CHIC1: variants seen among roughly 807,000 people sequenced by gnomAD.
The protein encoded by CHIC1 is cysteine rich hydrophobic domain 1, also known as cysteine-rich hydrophobic domain-containing protein 1.
In CHIC1, 7 loss-of-function variants were observed where a neutral mutation model predicts 18.5. The ratio of observed to expected loss-of-function variants is 0.38; its 90% CI spans 0.22 to 0.71. The LOEUF is 0.71. Ranked by LOEUF, CHIC1 falls within the 30% of genes least tolerant of loss-of-function variation. The pLI is 0.49. For synonymous variants in CHIC1, 77 were observed against 73.5 expected (o/e 1.05, Z -0.25); for missense variants, 159 against 176.9 (o/e 0.90, Z 0.57).
intron 2 of CHIC1, chrX:73,578,685 A>C (rs1480486772): frequency 9.1e-6 from 1 of 110,203 alleles, no homozygotes; most frequent in Non-Finnish European, 1.9e-5. Context: ...CCCATTAATA[A>C]ATGTATTTTT....
chrX:73,641,091 A>AT (rs958926221), intron 3 of CHIC1, among the ~76,000 whole-genome samples: 1 of 111,402 alleles, frequency 9.0e-6, no homozygotes, highest in African/African-American at 3.3e-5. Flanking sequence ...CCTGAATTTT[A>AT]TTTTTCACCT....
chrX:73,582,376 C>A (rs2057531923), intron 2 of CHIC1, among the ~76,000 whole-genome samples: 1 of 109,756 alleles, frequency 9.1e-6, no homozygotes, highest in Non-Finnish European at 1.9e-5. Flanking sequence ...CAATGATTCC[C>A]TAGGAGAAAA....
At chrX:73,642,470 G>A (rs578179014) in intron 3 of CHIC1, among the ~76,000 whole-genome samples, 4,279 of 108,078 alleles carry the variant, frequency 0.04, 82 homozygotes, top group Middle Eastern at 0.058. Context: ...TTTGTAGGTT[G>A]CCTGTTCACT....
At chrX:73,612,093 C>T (rs948415591) in intron 3 of CHIC1, among the ~76,000 whole-genome samples, 2 of 110,010 alleles carry the variant, frequency 1.8e-5, no homozygotes, top group Non-Finnish European at 3.8e-5. Context: ...GAAGTCCTTG[C>T]CCATGCCTAT....
Position 73,621,197 on chromosome X carries a change from C to T in CHIC1, c.507+36625C>T, listed in dbSNP as rs192085784. On this transcript the variant is annotated intron_variant, in intron 3 of 5. Coordinates refer to ENST00000373502, the MANE Select transcript of CHIC1 (RefSeq NM_001039840.4). ...GGCTATACAGGCTCTTTTTTGGTTC[C>T]ATATGAAATTTAAAGTAGTTTTCTC... 8.6e-3 allele frequency among the ~76,000 whole-genome samples: 963 copies of T among 111,491 alleles called. 5 individuals carry two copies. Among genetic ancestry groups the T allele is most frequent in the African/African-American group, 0.03 (935 of 30,678 alleles).
Position 73,608,520 on chromosome X carries a change from C to T in CHIC1, c.507+23948C>T, listed in dbSNP as rs1003566849. Among the ~76,000 whole-genome samples the T allele has an allele frequency of 4.6e-5, 5 of 108,160 alleles. No individual in the cohort carries two copies. The South Asian group carries it at 1.9e-3, about 41-fold the overall frequency. The allele number at this position is 108,160 out of a possible 115,157, so 93.9% of individuals were successfully genotyped here. ...GTCATCTTAACAATATGAAGTCTTC[C>T]AATCCATAAGAGCAGACTGTCTTAA... On this transcript the variant is annotated intron_variant, in intron 3 of 5. Coordinates refer to ENST00000373502, the MANE Select transcript of CHIC1 (RefSeq NM_001039840.4).
chrX:73,639,597 C>T (rs768896405), intron 3 of CHIC1, among the ~76,000 whole-genome samples: 25 of 111,465 alleles, frequency 2.2e-4, no homozygotes, highest in South Asian at 3.7e-4. Context: ...CCAGTTCCTA[C>T]GTCCAGAAGG....
intron 3 of CHIC1, among the ~76,000 whole-genome samples, chrX:73,652,735 T>C (rs1396183753): frequency 8.9e-6 from 1 of 112,048 alleles, no homozygotes; most frequent in Non-Finnish European, 1.9e-5. Context: ...AAACAACAGA[T>C]GTTGGTGAGG....
intron 3 of CHIC1, among the ~76,000 whole-genome samples, chrX:73,606,675 G>A (rs993687465): frequency 1.4e-4 from 15 of 108,399 alleles, no homozygotes; most frequent in Non-Finnish European, 9.4e-5. Context: ...TTTTGTGTAC[G>A]TCCTTTTTGT....
chrX:73,636,587 C>G (rs776002417), intron 3 of CHIC1, among the ~76,000 whole-genome samples: 29 of 111,057 alleles, frequency 2.6e-4, no homozygotes, highest in Non-Finnish European at 5.1e-4. Context: ...ACTGTTTTGT[C>G]CCTTATTGCT....
At chrX:73,680,299 C>T (rs1177331507) in intron 5 of CHIC1, among the ~76,000 whole-genome samples, 1 of 110,808 alleles carries the variant, frequency 9.0e-6, no homozygotes, top group Non-Finnish European at 1.9e-5. Flanking sequence ...TAATAATAAA[C>T]ATTCCATGTG....
chrX:73,628,122 T>C (rs988171125), intron 3 of CHIC1, among the ~76,000 whole-genome samples: 1 of 111,497 alleles, frequency 9.0e-6, no homozygotes, highest in Admixed American at 9.5e-5. Flanking sequence ...CTCACAACTG[T>C]CTGGTGGCCT....
At chrX:73,594,063 G>T (rs2057594624) in intron 3 of CHIC1, among the ~76,000 whole-genome samples, 1 of 110,845 alleles carries the variant, frequency 9.0e-6, no homozygotes, top group Non-Finnish European at 1.9e-5. Flanking sequence ...CTATTATTTG[G>T]ATGGGACTTT....
chrX:73,662,142 T>C (rs1222820365), intron 3 of CHIC1, among the ~76,000 whole-genome samples: 3 of 110,761 alleles, frequency 2.7e-5, no homozygotes, highest in Non-Finnish European at 5.7e-5. Context: ...AAGGGCATGC[T>C]CTATATGGCC....
At chrX:73,673,360 C>T (rs371731051) in intron 3 of CHIC1, among the ~76,000 whole-genome samples, 3 of 111,672 alleles carry the variant, frequency 2.7e-5, no homozygotes, top group African/African-American at 6.5e-5. Context: ...TTTCACGATA[C>T]TGATTCTTCC....
rs1312363064 is a variant in CHIC1, at chrX:73,681,481, A to G, written c.*476A>G. 8.8e-6 allele frequency: 1 copy of G among 113,339 alleles called. No individual in the cohort carries two copies. Among genetic ancestry groups the G allele is most frequent in the Non-Finnish European group, 1.9e-5 (1 of 53,834 alleles). The allele number at this position is 113,339 out of a possible 1,213,427, so 9.3% of individuals were successfully genotyped here. On this transcript the variant is annotated 3_prime_UTR_variant, in exon 6 of 6. Coordinates refer to ENST00000373502, the MANE Select transcript of CHIC1 (RefSeq NM_001039840.4). ...AGGACATGCTTTTAAAGGACATGCAATTAATGGCACTGGTTTTGTCCTGCA... is the reference window on the plus strand; with the variant it reads ...AGGACATGCTTTTAAAGGACATGCAGTTAATGGCACTGGTTTTGTCCTGCA...
rs1281970417 is a variant in CHIC1, at chrX:73,685,449, A to C, written c.*4444A>C. ...GTAAAGATTTCATATCCTATCCAAC[A>C]TTTACTTTAGTGTCTAATCAAATTC... On this transcript the variant is annotated 3_prime_UTR_variant, in exon 6 of 6. Coordinates refer to ENST00000373502, the MANE Select transcript of CHIC1 (RefSeq NM_001039840.4). 6.3e-5 allele frequency: 7 copies of C among 111,743 alleles called. No individual in the cohort carries two copies. Among genetic ancestry groups the C allele is most frequent in the Non-Finnish European group, 1.3e-4 (7 of 53,035 alleles). The allele number at this position is 111,743 out of a possible 1,213,427, so 9.2% of individuals were successfully genotyped here. A position where few individuals can be genotyped will look rare whatever the true frequency, so the allele number is the denominator to read the frequency against.
intron 3 of CHIC1, among the ~76,000 whole-genome samples, chrX:73,614,411 C>T (rs1028653907): frequency 6.6e-4 from 73 of 111,360 alleles, no homozygotes; most frequent in Non-Finnish European, 1.1e-3. Flanking sequence ...GTCTAAATCT[C>T]TTGCTAGGAA....
At chrX:73,658,172 G>T (rs959647522) in intron 3 of CHIC1, among the ~76,000 whole-genome samples, 1 of 104,750 alleles carries the variant, frequency 9.5e-6, no homozygotes, top group Non-Finnish European at 1.9e-5. Flanking sequence ...TCAATTTATT[G>T]GAATAGTTTT....
Sources: gnomAD v4.1 joint callset for allele counts (sites outside exome capture counted in the v4.1 genomes callset) on GRCh38, gnomAD v4.1.1 for gene constraint, MANE v1.5 for transcripts, NCBI Gene and HGNC (gene_info 2026-07-23, HGNC 2026-07-21) for gene names.